The following XKR6 variants were observed in gnomAD, a reference collection of about 807,000 sequenced individuals.
The protein encoded by XKR6 is XK-related protein 6.
Under a neutral mutation model 56.7 loss-of-function variants are expected in XKR6, and 22 were observed. That is an observed-to-expected ratio of 0.39 (90% CI 0.28 to 0.55). The LOEUF is 0.55. Ranked by LOEUF, XKR6 falls within the 20% of genes least tolerant of loss-of-function variation. XKR6 has a pLI of 0.66. For missense variants in XKR6, 852 were observed against 889.0 expected (o/e 0.96, Z 0.53); for synonymous variants, 524 against 387.8 (o/e 1.35, Z -4.13).
intron 1 of XKR6, chr8:11,002,501 G>T (rs750569585): frequency 5.5e-6 from 2 of 362,778 alleles, no homozygotes; most frequent in South Asian, 4.7e-5. Context: ...AAAGCCAACC[G>T]ATACACTGAG....
chr8:10,962,623 G>A (rs1418865289), intron 1 of XKR6, among the ~76,000 whole-genome samples: 1 of 151,822 alleles, frequency 6.6e-6, no homozygotes, highest in African/African-American at 2.4e-5. Context: ...TCTGGTTTTT[G>A]TTTTGTTTTT....
chr8:11,123,937 G>A (rs911186945), intron 1 of XKR6: 2 of 456,028 alleles, frequency 4.4e-6, no homozygotes, highest in Non-Finnish European at 8.8e-6. Context: ...CCACCTCATC[G>A]CAGCAGAGGA....
chr8:11,106,929 C>G (rs1232728801), intron 1 of XKR6, among the ~76,000 whole-genome samples: 1 of 151,584 alleles, frequency 6.6e-6, no homozygotes. Flanking sequence ...ATCCTTCAGC[C>G]CACATCTATT....
Position 11,201,121 on chromosome 8 carries a change from G to A in XKR6, c.219C>T (p.Cys73=). 6.6e-7 allele frequency: 1 copy of A among 1,510,884 alleles called. No homozygotes were observed. Among genetic ancestry groups the A allele is most frequent in the Non-Finnish European group, 8.8e-7 (1 of 1,136,946 alleles). The allele number at this position is 1,510,884 out of a possible 1,614,324, so 93.6% of individuals were successfully genotyped here. A position where few individuals can be genotyped will look rare whatever the true frequency, so the allele number is the denominator to read the frequency against. Residue 73 remains cysteine, a synonymous_variant, in exon 1 of 3, where the codon TGC becomes TGT. Coordinates refer to ENST00000416569, the MANE Select transcript of XKR6 (RefSeq NM_173683.4). ...GCTTCCTGCCCAGGAGGGAGCGCAG[G>A]CAGGCGGAGCGGCAGCCCCAGTAGC... ...SSCYWGCRSA[C]LRSLLGRKPR...
chr8:11,040,490 C>T (rs940048890), intron 1 of XKR6, among the ~76,000 whole-genome samples: 1 of 152,090 alleles, frequency 6.6e-6, no homozygotes, highest in Non-Finnish European at 1.5e-5. Context: ...CATGATTGCA[C>T]CACAGTACTC....
chr8:10,993,390 T>A (rs997890357), intron 1 of XKR6, among the ~76,000 whole-genome samples: 1 of 152,068 alleles, frequency 6.6e-6, no homozygotes, highest in African/African-American at 2.4e-5. Context: ...AGAAAGCGGG[T>A]GGGAAGAGCT....
intron 1 of XKR6, among the ~76,000 whole-genome samples, chr8:11,117,475 G>C (rs564733076): frequency 1.3e-5 from 2 of 152,118 alleles, no homozygotes; most frequent in Non-Finnish European, 2.9e-5. Context: ...TCTGAATGAC[G>C]GCGTGGAGAC....
chr8:11,158,239 G>A (rs1046498394), intron 1 of XKR6, among the ~76,000 whole-genome samples: 6 of 152,126 alleles, frequency 3.9e-5, no homozygotes, highest in African/African-American at 7.2e-5. Context: ...AGCATCTAAC[G>A]GTCTGAGCGA....
chr8:11,188,362 C>T (rs1585035268), intron 1 of XKR6, among the ~76,000 whole-genome samples: 1 of 152,320 alleles, frequency 6.6e-6, no homozygotes, highest in African/African-American at 2.4e-5. Context: ...ACAAATGCTA[C>T]AAACACATTC....
chr8:11,188,895 G>A (rs2117118537), intron 1 of XKR6, among the ~76,000 whole-genome samples: 1 of 152,226 alleles, frequency 6.6e-6, no homozygotes, highest in South Asian at 2.1e-4. Flanking sequence ...CCATCCCCAT[G>A]TACATTTCTA....
chr8:11,174,281 C>G (rs1316876374), intron 1 of XKR6, among the ~76,000 whole-genome samples: 3 of 152,216 alleles, frequency 2.0e-5, no homozygotes, highest in African/African-American at 7.2e-5. Flanking sequence ...ACTCACTCCT[C>G]TCTCTTCCAG....
chr8:11,056,134 A>G (rs1586485597), intron 1 of XKR6, among the ~76,000 whole-genome samples: 1 of 152,044 alleles, frequency 6.6e-6, no homozygotes, highest in Admixed American at 6.5e-5. Context: ...GGGGCTGGGG[A>G]GCTTCCTCCT....
chr8:10,917,283 C>A (rs895283596), intron 2 of XKR6, among the ~76,000 whole-genome samples: 1 of 152,168 alleles, frequency 6.6e-6, no homozygotes, highest in African/African-American at 2.4e-5. Flanking sequence ...ACTTCCTTCC[C>A]TCTCTGTGCT....
chr8:10,957,108 G>C (rs1455081197), intron 1 of XKR6, among the ~76,000 whole-genome samples: 1 of 152,080 alleles, frequency 6.6e-6, no homozygotes, highest in Non-Finnish European at 1.5e-5. Flanking sequence ...GTGCCACCAT[G>C]CCCGTTTAAT....
At chr8:11,012,277 T>C (rs1798517857) in intron 1 of XKR6, among the ~76,000 whole-genome samples, 2 of 152,224 alleles carry the variant, frequency 1.3e-5, no homozygotes, top group Admixed American at 6.5e-5. Flanking sequence ...CCTCAGCTGC[T>C]AGGGAACTGC....
intron 1 of XKR6, chr8:11,108,415 T>C (rs758716765): frequency 9.1e-6 from 4 of 437,754 alleles, no homozygotes; most frequent in South Asian, 1.7e-5. Context: ...AAAGTCACAC[T>C]TAGGGAGAAA....
At chr8:11,046,610 A>T (rs913612958) in intron 1 of XKR6, among the ~76,000 whole-genome samples, 5 of 152,324 alleles carry the variant, frequency 3.3e-5, no homozygotes, top group African/African-American at 9.6e-5. Flanking sequence ...TTCAGTTATA[A>T]AAAATAAGGA....
chr8:11,008,692 G>C (rs1180080506), intron 1 of XKR6, among the ~76,000 whole-genome samples: 1 of 152,108 alleles, frequency 6.6e-6, no homozygotes, highest in African/African-American at 2.4e-5. Context: ...TGGGATTACA[G>C]GTGTGAACCA....
chr8:10,918,132 A>G (rs1012897007), intron 2 of XKR6, among the ~76,000 whole-genome samples: 2 of 152,162 alleles, frequency 1.3e-5, no homozygotes, highest in African/African-American at 4.8e-5. Flanking sequence ...AATGATCTCC[A>G]AGGAAAGGCT....
Sources: allele counts gnomAD v4.1 joint callset (sites outside exome capture counted in the v4.1 genomes callset), GRCh38; gene constraint gnomAD v4.1.1; transcripts MANE v1.5; gene names NCBI Gene and HGNC (gene_info 2026-07-23, HGNC 2026-07-21).